Variants in RYK observed in about 807,000 individuals in gnomAD.
RYK encodes the protein inactive tyrosine-protein kinase RYK.
RYK carries 21 observed loss-of-function variants against 70.2 expected under a neutral mutation model. The ratio of observed to expected loss-of-function variants is 0.30; its 90% CI spans 0.21 to 0.43. The LOEUF (loss-of-function observed/expected upper bound fraction) is 0.43. RYK is among the 20% of genes least tolerant of loss of function. The pLI is 1.00. For missense variants in RYK, 604 were observed against 753.3 expected (o/e 0.80, Z 2.32); for synonymous variants, 267 against 278.0 (o/e 0.96, Z 0.39).
At chr3:134,227,671 C>T (rs2014948643) in intron 1 of RYK, among the ~76,000 whole-genome samples, 1 of 151,772 alleles carries the variant, frequency 6.6e-6, no homozygotes, top group Non-Finnish European at 1.5e-5. Flanking sequence ...TTTGGAGGTT[C>T]TTTTTTTATT....
chr3:134,239,068 C>T (rs936114536), intron 1 of RYK, among the ~76,000 whole-genome samples: 1 of 152,088 alleles, frequency 6.6e-6, no homozygotes, highest in Middle Eastern at 3.2e-3. Context: ...TACAGGTCTG[C>T]TTATGCAGGG....
At chr3:134,249,709 TGGCCC>T (rs1559770627) in intron 1 of RYK, among the ~76,000 whole-genome samples, 1 of 151,712 alleles carries the variant, frequency 6.6e-6, no homozygotes, top group Non-Finnish European at 1.5e-5. Context: ...AGTAGGAGAG[TGGCCC>T]AGAAGTACAG....
chr3:134,175,682 T>C lies in RYK; in HGVS notation c.1502A>G (p.Asn501Ser), dbSNP rs754649427. The change falls in exon 13 of 15, where the codon AAT becomes AGT. Residue 501 changes from asparagine (N) to serine (S), a missense_variant. Transcript: ENST00000623711. ...CATCCAACGAACTGGCCTGTTTTCA[T>C]TGTCCCCCAGACAGTGATAGTCCAT... is the stretch of plus-strand genomic sequence containing the variant. ...FPMDYHCLGDNENRPVRWMAL... is the reference protein window; with the variant it reads ...FPMDYHCLGDSENRPVRWMAL... 20 of 1,613,880 alleles carry C rather than the reference T, an allele frequency of 1.2e-5. No homozygotes were observed. Among genetic ancestry groups the C allele is most frequent in the Non-Finnish European group, 1.5e-5 (18 of 1,179,856 alleles).
intron 1 of RYK, among the ~76,000 whole-genome samples, chr3:134,227,453 A>G (rs1310467504): frequency 6.6e-6 from 1 of 152,102 alleles, no homozygotes; most frequent in Non-Finnish European, 1.5e-5. Context: ...CGATCTTGAA[A>G]ATGAAAATGC....
At chr3:134,208,278 C>T (rs1227580046) in intron 4 of RYK, among the ~76,000 whole-genome samples, 1 of 152,128 alleles carries the variant, frequency 6.6e-6, no homozygotes, top group Non-Finnish European at 1.5e-5. Context: ...TATCATTCTG[C>T]CTTACTTAAG....
intron 1 of RYK, among the ~76,000 whole-genome samples, chr3:134,236,708 C>G (rs772086101): frequency 6.6e-6 from 1 of 152,176 alleles, no homozygotes; most frequent in Non-Finnish European, 1.5e-5. Context: ...CAGTGTAGTA[C>G]TGGCATGACA....
intron 1 of RYK, among the ~76,000 whole-genome samples, chr3:134,244,437 T>TA (rs904796726): frequency 6.6e-6 from 1 of 152,158 alleles, no homozygotes; most frequent in African/African-American, 2.4e-5. Context: ...CCAGAGCTGA[T>TA]AAAGAGACAG....
chr3:134,160,737 C>A (rs1349962168), intron 13 of RYK, among the ~76,000 whole-genome samples: 1 of 152,160 alleles, frequency 6.6e-6, no homozygotes, highest in Non-Finnish European at 1.5e-5. Context: ...TGCCTGTAAT[C>A]CCAGCTACTC....
At chr3:134,190,846 T>C (rs7355796) in intron 8 of RYK, among the ~76,000 whole-genome samples, 4,127 of 152,326 alleles carry the variant, frequency 0.027, 82 homozygotes, top group Non-Finnish European at 0.041. Context: ...TTTTTTTTAT[T>C]CTTTAGGAAA....
chr3:134,214,635 C>T (rs1576524648), intron 2 of RYK, among the ~76,000 whole-genome samples: 5 of 152,328 alleles, frequency 3.3e-5, no homozygotes, highest in Admixed American at 3.3e-4. Context: ...ATCCATCCTA[C>T]AGAAAAGGAG....
At chr3:134,195,304 A>G (rs565434795) in intron 6 of RYK, 122 bp from the exon 7 acceptor site, 16 of 665,426 alleles carry the variant, frequency 2.4e-5, no homozygotes, top group Middle Eastern at 2.5e-4. Flanking sequence ...GGAGATCACA[A>G]TAATTCATGA....
At chr3:134,173,709 A>G (rs1383681737) in intron 13 of RYK, among the ~76,000 whole-genome samples, 1 of 152,204 alleles carries the variant, frequency 6.6e-6, no homozygotes. Context: ...CCAATTCAAG[A>G]TGAGATTTTG....
At chr3:134,160,701 CA>C (rs2012432356) in intron 13 of RYK, among the ~76,000 whole-genome samples, 1 of 152,028 alleles carries the variant, frequency 6.6e-6, no homozygotes, top group Non-Finnish European at 1.5e-5. Context: ...ACTAAAAATA[CA>C]AAATTATCTG....
At chr3:134,191,246 C>T (rs1475842057) in intron 8 of RYK, among the ~76,000 whole-genome samples, 8 of 152,192 alleles carry the variant, frequency 5.3e-5, no homozygotes, top group Admixed American at 3.3e-4. Context: ...GAAAGCAAGG[C>T]CCAGTGAGAG....
Position 134,175,664 on chromosome 3 carries a change from C to A in RYK, c.1520G>T (p.Arg507Leu), listed in dbSNP as rs771192909. ...AACCAGACTTTCAAGAGCCATCCAACGAACTGGCCTGTTTTCATTGTCCCC... is the reference window on the plus strand; with the variant it reads ...AACCAGACTTTCAAGAGCCATCCAAAGAACTGGCCTGTTTTCATTGTCCCC... ...CLGDNENRPV[R>L]WMALESLVNN... Residue 507 changes from arginine to leucine, a missense_variant, in exon 13 of 15, where the codon CGT (arginine) becomes CTT (leucine). Coordinates refer to ENST00000623711, the MANE Select transcript of RYK (RefSeq NM_002958.4). 6.2e-7 allele frequency: 1 copy of A among 1,613,878 alleles called. No homozygotes were observed. Among genetic ancestry groups the A allele is most frequent in the Non-Finnish European group, 8.5e-7 (1 of 1,179,898 alleles).
intron 11 of RYK, among the ~76,000 whole-genome samples, 184 bp from the exon 12 acceptor site, chr3:134,176,223 G>A (rs972292796): frequency 1.3e-5 from 2 of 152,110 alleles, no homozygotes; most frequent in Admixed American, 6.5e-5. Context: ...TATATCAACT[G>A]TAGTCCTTAT....
At chr3:134,216,772 G>A (rs1159636889) in intron 2 of RYK, among the ~76,000 whole-genome samples, 3 of 109,604 alleles carry the variant, frequency 2.7e-5, no homozygotes, top group South Asian at 3.4e-4. Context: ...CAGCCTGGGC[G>A]ACAGAGTGAG....
chr3:134,200,584 A>T (rs1433317488), intron 6 of RYK, among the ~76,000 whole-genome samples: 1 of 152,214 alleles, frequency 6.6e-6, no homozygotes, highest in Non-Finnish European at 1.5e-5. Context: ...ACTTTATTAA[A>T]AACTTCATAA....
intron 9 of RYK, among the ~76,000 whole-genome samples, chr3:134,188,199 C>T (rs999436921): frequency 7.1e-6 from 1 of 140,590 alleles, no homozygotes; most frequent in African/African-American, 2.6e-5. Context: ...GAGTCTCTGT[C>T]GCCCAGGCTG....
Sources: allele counts gnomAD v4.1 joint callset (sites outside exome capture counted in the v4.1 genomes callset), GRCh38; gene constraint gnomAD v4.1.1; transcripts MANE v1.5; gene names NCBI Gene and HGNC (gene_info 2026-07-23, HGNC 2026-07-21).